TACO1: variants seen among roughly 807,000 people sequenced by gnomAD.
TACO1 encodes the protein translational activator of cytochrome c oxidase 1.
Under a neutral mutation model 24.0 loss-of-function variants are expected in TACO1, and 13 were observed. The ratio of observed to expected loss-of-function variants is 0.54; its 90% CI spans 0.35 to 0.86. TACO1 has a LOEUF of 0.86. Ranked by LOEUF, TACO1 falls within the 40% of genes least tolerant of loss-of-function variation. The pLI is 0.01. For missense variants in TACO1, 352 were observed against 380.1 expected (o/e 0.93, Z 0.61); for synonymous variants, 149 against 153.5 (o/e 0.97, Z 0.22).
rs540772284 is a variant in TACO1, at chr17:63,600,907, C to T, written c.-177C>T. On this transcript the variant is annotated 5_prime_UTR_variant, in exon 1 of 5. Transcript: ENST00000258975. ...ATCAAGGGCCCCCAGTCCCGGGTGCCGCGGGGACAGTGTAGGGTCATTAGC... is the reference window on the plus strand; with the variant it reads ...ATCAAGGGCCCCCAGTCCCGGGTGCTGCGGGGACAGTGTAGGGTCATTAGC... 449 of 646,966 alleles carry T rather than the reference C, an allele frequency of 6.9e-4. No homozygotes were observed. Among genetic ancestry groups the T allele is most frequent in the Non-Finnish European group, 9.6e-4 (374 of 388,470 alleles). The allele number at this position is 646,966 out of a possible 1,614,324, so 40.1% of individuals were successfully genotyped here.
Position 63,607,833 on chromosome 17 carries a change from T to A in TACO1, c.725T>A (p.Val242Glu). The change falls in exon 5 of 5, where the codon GTG (valine) becomes GAG (glutamate). Residue 242 changes from valine to glutamate, a missense_variant. Coordinates refer to ENST00000258975, the MANE Select transcript of TACO1 (RefSeq NM_016360.4). ...TGTGATGCCTCTTCACTGCACCAAG[T>A]GAGGAAGAAGCTGGACTCCCTGGGC... is the stretch of plus-strand genomic sequence containing the variant. ...FICDASSLHQ[V>E]RKKLDSLGLC... 3 of 1,614,072 alleles carry A rather than the reference T, an allele frequency of 1.9e-6. No homozygotes were observed. The highest frequency in any genetic ancestry group is 1.1e-5 in the South Asian group (1 of 91,090).
At chr17:63,607,505 G>A (rs1291184705) in intron 4 of TACO1, 41 bp downstream of exon 4, 1 of 1,604,774 alleles carries the variant, frequency 6.2e-7, no homozygotes, top group East Asian at 2.2e-5. Flanking sequence ...CTTCCGGGAG[G>A]ACCCTGATAG....
rs773854705 is a variant in TACO1 at position 63,601,335 on chromosome 17, C to G, written c.252C>G (p.Leu84=). 5 of 1,612,986 alleles carry G rather than the reference C, an allele frequency of 3.1e-6. No individual in the cohort carries two copies. Among genetic ancestry groups the G allele is most frequent in the Non-Finnish European group, 4.2e-6 (5 of 1,180,008 alleles). ...DVERSRIFSK[L]CLNIRLAVKE... ...AAAGGAGTCGCATCTTCTCCAAACT[C>G]TGTTTGAACATCCGCCTGGCAGTGA... Residue 84 remains leucine (L), a synonymous_variant, in exon 1 of 5, where the codon CTC becomes CTG. Coordinates refer to ENST00000258975, the MANE Select transcript of TACO1 (RefSeq NM_016360.4).
At chr17:63,607,611 T>A in intron 4 of TACO1, 147 bp downstream of exon 4, 1 of 987,174 alleles carries the variant, frequency 1.0e-6, no homozygotes, top group Non-Finnish European at 1.6e-6. Context: ...AAGTGAATAC[T>A]GAATAGGACC....
At chr17:63,601,720 C>T (rs543613287) in intron 1 of TACO1, among the ~76,000 whole-genome samples, 10 of 152,286 alleles carry the variant, frequency 6.6e-5, no homozygotes, top group Admixed American at 3.3e-4. Context: ...CAAATCAACC[C>T]CTCTGAAGTC....
At chr17:63,607,698 C>T in intron 4 of TACO1, 104 bp from the exon 5 acceptor site, 1 of 1,167,982 alleles carries the variant, frequency 8.6e-7, no homozygotes, top group Non-Finnish European at 1.3e-6. Flanking sequence ...AGCTCAAACC[C>T]AGTGATCCAT....
chr17:63,607,233 A>T, intron 3 of TACO1, 54 bp from the exon 4 acceptor site: 1 of 1,497,932 alleles, frequency 6.7e-7, no homozygotes, highest in Non-Finnish European at 9.3e-7. Flanking sequence ...AGCTTTATGG[A>T]GGCTGAGCTT....
chr17:63,603,011 G>A (rs535339325), intron 1 of TACO1, among the ~76,000 whole-genome samples: 9 of 152,134 alleles, frequency 5.9e-5, no homozygotes, highest in South Asian at 2.1e-4. Flanking sequence ...TGAGGCCGGC[G>A]GATCACGAGG....
intron 3 of TACO1, 93 bp downstream of exon 3, chr17:63,606,533 A>T: frequency 1.9e-6 from 3 of 1,554,176 alleles, no homozygotes; most frequent in Non-Finnish European, 2.7e-6. Context: ...CTAGTGTTTC[A>T]GGGTTTTGTT....
chr17:63,602,694 A>AT (rs1048312285), intron 1 of TACO1, among the ~76,000 whole-genome samples: 1 of 151,434 alleles, frequency 6.6e-6, no homozygotes, highest in Non-Finnish European at 1.5e-5. Flanking sequence ...GCCTGGCTAA[A>AT]TTTTTTTGTA....
chr17:63,607,518 G>A, intron 4 of TACO1, 54 bp downstream of exon 4: 1 of 1,581,498 alleles, frequency 6.3e-7, no homozygotes. Flanking sequence ...CCTGATAGAT[G>A]CCTTATGCAT....
In TACO1 at chr17:63,601,072, G is replaced by C. The variant is rs923606089; in HGVS notation, c.-12G>C. 1 of 1,539,664 alleles carries C rather than the reference G, an allele frequency of 6.5e-7. No individual in the cohort carries two copies. ...GCTGCTGCTAGCAGCTTGAACCCCA[G>C]GGTCGGGACCGATGTCGGCTTGGGC... On this transcript the variant is annotated 5_prime_UTR_variant, in exon 1 of 5. Transcript: ENST00000258975.
In TACO1 at chr17:63,608,022, G is replaced by A. The variant is rs527853852; in HGVS notation, c.*20G>A. 5.6e-6 allele frequency: 9 copies of A among 1,613,222 alleles called. No homozygotes were observed. Among genetic ancestry groups the A allele is most frequent in the Admixed American group, 5.0e-5 (3 of 59,996 alleles). ...GAATAACCAGGCTACATGTGCCCCC[G>A]GGTTCCTTCCTAGAAATGTGGCAGC... On this transcript the variant is annotated 3_prime_UTR_variant, in exon 5 of 5. Coordinates refer to ENST00000258975, the MANE Select transcript of TACO1 (RefSeq NM_016360.4).
At chr17:63,606,024 G>A (rs2033859323) in intron 2 of TACO1, among the ~76,000 whole-genome samples, 1 of 152,116 alleles carries the variant, frequency 6.6e-6, no homozygotes, top group African/African-American at 2.4e-5. Flanking sequence ...AGTGGGATTG[G>A]GTAGGGACTA....
At position 63,606,171 on chromosome 17, in the gene TACO1, G is replaced by C. The variant is rs571912239; in HGVS notation, c.388-142G>C. The stretch of plus-strand genomic sequence containing the variant: ...ACCTCAAAAGTTGGTTAGAGGGTGG[G>C]GACAAAAATAAAGATTGAGAGCTCA... On this transcript the variant is annotated intron_variant, in intron 2 of 4. Transcript: ENST00000258975. 1.4e-5 allele frequency: 15 copies of C among 1,096,464 alleles called. No homozygotes were observed. In the South Asian group the frequency reaches 1.6e-4, roughly 12 times the overall value. 67.9% of individuals were successfully genotyped at this position (1,096,464 alleles called of 1,614,324 possible). A position where few individuals can be genotyped will look rare whatever the true frequency, so the allele number is the denominator to read the frequency against.
chr17:63,606,335 T>C lies in TACO1; in HGVS notation c.410T>C (p.Leu137Pro), dbSNP rs760793255. The change falls in exon 3 of 5, where the codon CTG becomes CCG. Residue 137 changes from leucine to proline, a missense_variant. Leu to Pro is a moderately conservative substitution (Grantham distance 98). Transcript: ENST00000258975. ...CAGAAATCCAAGGACACTTATTTGC[T>C]GTATGAGGGTCGAGGCCCTGGTGGC... is the stretch of plus-strand genomic sequence containing the variant. The part of the protein sequence containing the change: ...KMEKSKDTYL[L>P]YEGRGPGGSS... 2 of 1,613,746 alleles carry C rather than the reference T, an allele frequency of 1.2e-6. No homozygotes were observed. Among genetic ancestry groups the C allele is most frequent in the Admixed American group, 1.7e-5 (1 of 60,000 alleles).
intron 4 of TACO1, 93 bp downstream of exon 4, chr17:63,607,557 C>T: frequency 1.5e-6 from 2 of 1,353,228 alleles, no homozygotes; most frequent in Non-Finnish European, 2.1e-6. Flanking sequence ...TCATGTGCCC[C>T]AGGGTATAGG....
chr17:63,607,093 G>C (rs570628339), intron 3 of TACO1, 194 bp from the exon 4 acceptor site: 3 of 622,762 alleles, frequency 4.8e-6, no homozygotes, highest in Non-Finnish European at 8.6e-6. Context: ...GCAGAAAATC[G>C]AGCGTGGGGA....
intron 1 of TACO1, among the ~76,000 whole-genome samples, chr17:63,602,348 T>C (rs952423045): frequency 6.6e-6 from 1 of 151,376 alleles, no homozygotes; most frequent in Non-Finnish European, 1.5e-5. Flanking sequence ...CTTGAACAAG[T>C]AGCTTAACTT....
Sources: gnomAD v4.1 joint callset for allele counts (sites outside exome capture counted in the v4.1 genomes callset) on GRCh38, gnomAD v4.1.1 for gene constraint, MANE v1.5 for transcripts, NCBI Gene and HGNC (gene_info 2026-07-23, HGNC 2026-07-21) for gene names.